The following MAP4 variants were observed in gnomAD, a reference collection of about 807,000 sequenced individuals.
The protein encoded by MAP4 is microtubule-associated protein 4.
MAP4 carries 76 observed loss-of-function variants against 170.2 expected under a neutral mutation model. The observed-to-expected ratio is 0.45, with a 90% confidence interval of 0.37 to 0.54. The LOEUF (loss-of-function observed/expected upper bound fraction) is 0.54. MAP4 is among the 20% of genes least tolerant of loss of function. MAP4 has a pLI of 0.00. For missense variants in MAP4, 2,506 were observed against 2,748.0 expected, an observed-to-expected ratio of 0.91 and a Z score of 1.97; for synonymous variants, 909 against 994.5, an observed-to-expected ratio of 0.91 and a Z score of 1.62.
At chr3:47,891,879 C>T (rs1020829306) in intron 10 of MAP4, 17 of 1,536,030 alleles carry the variant, frequency 1.1e-5, no homozygotes, top group Non-Finnish European at 5.2e-6. Flanking sequence ...TTCTCCATCT[C>T]TCCCGGAGTT....
chr3:48,036,597 C>T (rs2100118849), intron 1 of MAP4, among the ~76,000 whole-genome samples: 1 of 152,100 alleles, frequency 6.6e-6, no homozygotes, highest in Admixed American at 6.6e-5. Context: ...TAGGGTATGC[C>T]CCTCCAGACT....
At chr3:47,906,623 C>T (rs111372102) in intron 9 of MAP4, among the ~76,000 whole-genome samples, 1,958 of 150,442 alleles carry the variant, frequency 0.013, 46 homozygotes, top group African/African-American at 0.045. Context: ...GCAGAGGTTG[C>T]GGTGAACTGA....
chr3:47,993,284 T>C (rs990710099), intron 2 of MAP4, among the ~76,000 whole-genome samples: 2 of 152,112 alleles, frequency 1.3e-5, no homozygotes, highest in African/African-American at 4.8e-5. Flanking sequence ...TGGTTACACC[T>C]GTAAATAGTC....
intron 1 of MAP4, among the ~76,000 whole-genome samples, chr3:48,022,279 G>C (rs1392633223): frequency 6.6e-6 from 1 of 152,058 alleles, no homozygotes; most frequent in Non-Finnish European, 1.5e-5. Context: ...ACAATGGAGA[G>C]AGTAGAGAGA....
At chr3:48,061,146 C>A (rs909883968) in intron 1 of MAP4, among the ~76,000 whole-genome samples, 19 of 151,974 alleles carry the variant, frequency 1.3e-4, no homozygotes, top group African/African-American at 4.6e-4. Context: ...CGCCTGGACC[C>A]AAAGAGCTCT....
At chr3:47,986,428 C>G (rs1023255025) in intron 2 of MAP4, among the ~76,000 whole-genome samples, 1 of 152,104 alleles carries the variant, frequency 6.6e-6, no homozygotes, top group African/African-American at 2.4e-5. Context: ...GCAACCTCCA[C>G]CTCCTGGGTT....
chr3:48,080,481 G>T (rs2100146074), intron 1 of MAP4, among the ~76,000 whole-genome samples: 1 of 152,184 alleles, frequency 6.6e-6, no homozygotes, highest in Admixed American at 6.5e-5. Flanking sequence ...CCATCAAGAA[G>T]ACAAAGGTTG....
At chr3:47,919,021 T>A (rs13093830) in intron 5 of MAP4, among the ~76,000 whole-genome samples, 180 bp from the exon 6 acceptor site, 37,759 of 151,958 alleles carry the variant, frequency 0.25, 5,155 homozygotes, top group South Asian at 0.33. Context: ...AAGCTCCGCT[T>A]CCCGGGTTCA....
At chr3:48,039,940 C>A (rs1051230426) in intron 1 of MAP4, among the ~76,000 whole-genome samples, 1 of 152,214 alleles carries the variant, frequency 6.6e-6, no homozygotes, top group African/African-American at 2.4e-5. Context: ...CTCTTAACTA[C>A]AGCCCTTTGC....
intron 1 of MAP4, among the ~76,000 whole-genome samples, chr3:48,063,010 G>A (rs1322007442): frequency 1.3e-5 from 2 of 151,120 alleles, no homozygotes; most frequent in African/African-American, 2.4e-5. Context: ...AACGATATAC[G>A]AATGGCAAAT....
At chr3:48,026,455 T>C (rs2100113163) in intron 1 of MAP4, among the ~76,000 whole-genome samples, 1 of 152,216 alleles carries the variant, frequency 6.6e-6, no homozygotes, top group African/African-American at 2.4e-5. Context: ...TACATCAAGA[T>C]GCTTTATTCT....
At chr3:48,031,550 C>CA (rs1324241982) in intron 1 of MAP4, among the ~76,000 whole-genome samples, 38 of 149,518 alleles carry the variant, frequency 2.5e-4, no homozygotes, top group South Asian at 1.1e-3. Context: ...GACTCCATCT[C>CA]AAAAAAAAAC....
intron 3 of MAP4, among the ~76,000 whole-genome samples, chr3:47,959,871 A>AT (rs879730604): frequency 6.7e-4 from 101 of 150,090 alleles, no homozygotes; most frequent in African/African-American, 1.8e-3. Flanking sequence ...GGCCATTTTT[A>AT]TTTTTTTTTG....
At chr3:47,975,222 T>C (rs1487110201) in intron 3 of MAP4, 18 of 1,272,492 alleles carry the variant, frequency 1.4e-5, no homozygotes, top group Non-Finnish European at 1.7e-5. Flanking sequence ...TTTTGCACTT[T>C]GTGTTCACAA....
intron 3 of MAP4, among the ~76,000 whole-genome samples, chr3:47,972,343 G>A (rs868656101): frequency 2.0e-5 from 3 of 152,092 alleles, no homozygotes; most frequent in Non-Finnish European, 4.4e-5. Flanking sequence ...TAATTCAGGA[G>A]GCACTTTAGG....
intron 10 of MAP4, among the ~76,000 whole-genome samples, chr3:47,895,403 G>C (rs1482616664): frequency 6.6e-6 from 1 of 152,158 alleles, no homozygotes; most frequent in African/African-American, 2.4e-5. Flanking sequence ...GTAATCACAG[G>C]CCCACTGCTA....
At chr3:48,070,339 T>C (rs1373892065) in intron 1 of MAP4, among the ~76,000 whole-genome samples, 1 of 151,874 alleles carries the variant, frequency 6.6e-6, no homozygotes, top group Non-Finnish European at 1.5e-5. Context: ...ACGGTTTCTT[T>C]TTATCCTTCT....
intron 1 of MAP4, among the ~76,000 whole-genome samples, chr3:48,061,512 G>C (rs1017634722): frequency 2.0e-5 from 3 of 152,196 alleles, no homozygotes; most frequent in African/African-American, 7.2e-5. Flanking sequence ...TGCCCAGGCT[G>C]GAGTGCAGTG....
intron 3 of MAP4, among the ~76,000 whole-genome samples, chr3:47,949,476 A>C (rs1456439536): frequency 6.6e-6 from 1 of 151,162 alleles, no homozygotes; most frequent in Non-Finnish European, 1.5e-5. Context: ...AAAAAAAAAA[A>C]AAAAAAAAAA....
Sources: allele counts gnomAD v4.1 joint callset (sites outside exome capture counted in the v4.1 genomes callset), GRCh38; gene constraint gnomAD v4.1.1; transcripts MANE v1.5; gene names NCBI Gene and HGNC (gene_info 2026-07-23, HGNC 2026-07-21).